ADGRV1: variants seen among roughly 807,000 people sequenced by gnomAD.
ADGRV1 encodes the protein G-protein coupled receptor 98.
A neutral mutation model predicts 596.2 loss-of-function variants in ADGRV1; 359 were observed. That is an observed-to-expected ratio of 0.60 (90% CI 0.55 to 0.66). ADGRV1 has a LOEUF of 0.66. Ranked by LOEUF, ADGRV1 falls within the 30% of genes least tolerant of loss-of-function variation. The pLI, the probability that ADGRV1 is intolerant of heterozygous loss-of-function variation, is 0.00. For missense variants in ADGRV1, 7,274 were observed against 7,575.6 expected (o/e 0.96, Z 1.48); for synonymous variants, 2,681 against 2,679.2 (o/e 1.00, Z -0.02).
chr5:90,690,198 C>T, intron 30 of ADGRV1, 122 bp downstream of exon 30: 1 of 632,568 alleles, frequency 1.6e-6, no homozygotes. Flanking sequence ...CCTGCTGTTA[C>T]TGACATATAG....
At chr5:90,922,386 T>C (rs1773960095) in intron 83 of ADGRV1, among the ~76,000 whole-genome samples, 1 of 152,200 alleles carries the variant, frequency 6.6e-6, no homozygotes. Flanking sequence ...ATGTGACAGG[T>C]ATATAGAATA....
intron 83 of ADGRV1, among the ~76,000 whole-genome samples, chr5:90,958,024 T>C (rs1777634561): frequency 6.6e-6 from 1 of 151,828 alleles, no homozygotes; most frequent in Non-Finnish European, 1.5e-5. Flanking sequence ...AATAAAAATA[T>C]TTTTTATTTG....
intron 1 of ADGRV1, among the ~76,000 whole-genome samples, chr5:90,597,725 A>G (rs1291696105): frequency 6.6e-6 from 1 of 152,076 alleles, no homozygotes; most frequent in Non-Finnish European, 1.5e-5. Flanking sequence ...GGAGAGAGAG[A>G]AAGAGGGAGA....
chr5:90,680,551 C>T (rs1744805667), intron 26 of ADGRV1, among the ~76,000 whole-genome samples: 1 of 151,956 alleles, frequency 6.6e-6, no homozygotes, highest in African/African-American at 2.4e-5. Flanking sequence ...ATATTTGTTT[C>T]TTGAAGAAGA....
In ADGRV1 at chr5:90,642,877, C is replaced by T. The variant is rs1480888146; in HGVS notation, c.2389C>T (p.His797Tyr). The T allele has an allele frequency of 6.2e-7, 1 of 1,607,980 alleles. No individual in the cohort carries two copies. The highest frequency in any genetic ancestry group is 1.7e-5 in the Admixed American group (1 of 59,190). Residue 797 changes from histidine to tyrosine, a missense_variant, in exon 13 of 90, where the codon CAC becomes TAC. Transcript: ENST00000405460. ...AAAGGAAGGAGAATCTGTAGAGCTC[C>T]ACATCATCCGATCAAGGGGGTCCCT... ...VIKEGESVEL[H>Y]IIRSRGSLVK...
In ADGRV1 at chr5:90,720,056, A is replaced by C; in HGVS notation, c.9456A>C (p.Gln3152His). The change falls in exon 44 of 90, where the codon CAA becomes CAC. Residue 3152 changes from glutamine to histidine, a missense_variant. Gln to His is a conservative substitution (Grantham distance 24). Around this residue, in one of 5 missense-constraint regions of ADGRV1, gnomAD observed 3,643 missense variants for 3,809.2 expected, o/e 0.96. Transcript: ENST00000405460. Reference protein sequence around the residue: ...LEEGVRFKALQISAILDTEPE... With the variant: ...LEEGVRFKALHISAILDTEPE... ...TTTGATTTTGTTTTCAGGCCCTACA[A>C]ATATCTGCCATATTAGACACGGAAC... 6.2e-7 allele frequency: 1 copy of C among 1,613,456 alleles called. No homozygotes were observed. The highest frequency in any genetic ancestry group is 8.5e-7 in the Non-Finnish European group (1 of 1,179,464).
chr5:90,915,783 C>T (rs920389228), intron 83 of ADGRV1, among the ~76,000 whole-genome samples: 1 of 152,096 alleles, frequency 6.6e-6, no homozygotes, highest in African/African-American at 2.4e-5. Flanking sequence ...TTAATTACTT[C>T]AAAGGGGTAG....
intron 9 of ADGRV1, among the ~76,000 whole-genome samples, chr5:90,634,805 G>T (rs1200067177): frequency 3.4e-5 from 5 of 145,188 alleles, no homozygotes; most frequent in Non-Finnish European, 7.6e-5. Flanking sequence ...GATGTCTGTG[G>T]CAGTTAGTTA....
At chr5:90,886,101 C>G (rs1397947397) in intron 83 of ADGRV1, among the ~76,000 whole-genome samples, 1 of 152,130 alleles carries the variant, frequency 6.6e-6, no homozygotes, top group East Asian at 1.9e-4. Context: ...ATTTTTTGAG[C>G]AGCATCAAGA....
chr5:90,822,278 G>A (rs546479305), intron 75 of ADGRV1: 21 of 154,062 alleles, frequency 1.4e-4, no homozygotes, highest in African/African-American at 1.9e-4. Context: ...TTCGGCTCGC[G>A]CACGGTGCAC....
intron 25 of ADGRV1, among the ~76,000 whole-genome samples, chr5:90,676,573 C>T (rs551640118): frequency 6.6e-6 from 1 of 152,238 alleles, no homozygotes; most frequent in East Asian, 1.9e-4. Flanking sequence ...TGAGTAATAT[C>T]TCTGTTTATT....
chr5:90,704,446 A>C lies in ADGRV1; in HGVS notation c.8344A>C (p.Lys2782Gln). The part of the protein sequence containing the change: ...HLLDDNIPEE[K>Q]EVYQVILYDV... Reference sequence around the variant, plus strand: ...GTTGGATGACAACATTCCTGAGGAGAAAGAAGTATACCAAGTCATTCTGTA... The same window carrying C: ...GTTGGATGACAACATTCCTGAGGAGCAAGAAGTATACCAAGTCATTCTGTA... The change falls in exon 36 of 90, where the codon AAA becomes CAA. Residue 2782 changes from lysine (K) to glutamine (Q), a missense_variant. Lys to Gln is a moderately conservative substitution (Grantham distance 53). This residue lies in a region of ADGRV1 where 3,643 missense variants were observed against 3,809.2 expected (regional missense o/e 0.96). Coordinates refer to ENST00000405460, the MANE Select transcript of ADGRV1 (RefSeq NM_032119.4). 6.3e-7 allele frequency: 1 copy of C among 1,580,948 alleles called. No homozygotes were observed.
chr5:90,757,102 A>G lies in ADGRV1; in HGVS notation c.11881A>G (p.Ser3961Gly). The stretch of plus-strand genomic sequence containing the variant: ...TGTTTATTGGAAAGCATCACCAGAC[A>G]GTGCTGGCCTGGAAGACTTTAAACC... ...VNVYWKASPD[S>G]AGLEDFKPSH... The change falls in exon 57 of 90, where the codon AGT (serine) becomes GGT (glycine). Residue 3961 changes from serine (S) to glycine (G), a missense_variant. This residue lies in a region of ADGRV1 where 3,643 missense variants were observed against 3,809.2 expected (regional missense o/e 0.96). Transcript: ENST00000405460. The G allele has an allele frequency of 3.1e-6, 5 of 1,613,976 alleles. No homozygotes were observed. Among genetic ancestry groups the G allele is most frequent in the Non-Finnish European group, 4.2e-6 (5 of 1,179,844 alleles).
chr5:90,883,493 C>A (rs944558150), intron 83 of ADGRV1, among the ~76,000 whole-genome samples: 1 of 152,104 alleles, frequency 6.6e-6, no homozygotes, highest in Non-Finnish European at 1.5e-5. Context: ...AATAATGATT[C>A]TCTTGCAAAC....
chr5:90,945,852 C>T (rs1012987914), intron 83 of ADGRV1, among the ~76,000 whole-genome samples: 1 of 151,938 alleles, frequency 6.6e-6, no homozygotes, highest in Admixed American at 6.6e-5. Context: ...GTGGTGTGTG[C>T]CTGTAGTCCC....
intron 75 of ADGRV1, among the ~76,000 whole-genome samples, chr5:90,818,505 G>A (rs1260223767): frequency 6.7e-6 from 1 of 149,986 alleles, no homozygotes; most frequent in Non-Finnish European, 1.5e-5. Flanking sequence ...TTTTCAAAGG[G>A]AATGCTTCCA....
intron 59 of ADGRV1, among the ~76,000 whole-genome samples, chr5:90,765,308 C>T (rs559678460): frequency 1.8e-4 from 28 of 152,076 alleles, no homozygotes; most frequent in Non-Finnish European, 3.1e-4. Context: ...TGTGGCCACA[C>T]CTCGAGAGCT....
intron 70 of ADGRV1, among the ~76,000 whole-genome samples, chr5:90,797,483 C>G (rs1162688132): frequency 6.6e-6 from 1 of 152,000 alleles, no homozygotes; most frequent in African/African-American, 2.4e-5. Flanking sequence ...AAAGCAAGTT[C>G]TTAGAGACCT....
In ADGRV1 at chr5:90,739,979, A is replaced by C. The variant is rs138398726; in HGVS notation, c.10550-5067A>C. On this transcript the variant is annotated intron_variant, in intron 50 of 89. Coordinates refer to ENST00000405460, the MANE Select transcript of ADGRV1 (RefSeq NM_032119.4). The stretch of plus-strand genomic sequence containing the variant: ...ATGACTCCTTGCCTGGCAAGGGCTT[A>C]AGGAGAGCCCCAGGATTTGGTTGGA... Among the ~76,000 whole-genome samples the C allele has an allele frequency of 6.4e-3, 974 of 152,224 alleles. 6 individuals carry two copies. Among genetic ancestry groups the C allele is most frequent in the South Asian group, 0.016 (75 of 4,822 alleles).
Sources: gnomAD v4.1 joint callset for allele counts (sites outside exome capture counted in the v4.1 genomes callset) on GRCh38, gnomAD v4.1.1 for gene constraint, gnomAD v4.1.1 regional missense constraint, MANE v1.5 for transcripts, NCBI Gene and HGNC (gene_info 2026-07-23, HGNC 2026-07-21) for gene names.